The following AKAP13 variants were observed in gnomAD, a reference collection of about 807,000 sequenced individuals.
AKAP13 encodes A-kinase anchoring protein 13.
A neutral mutation model predicts 264.5 loss-of-function variants in AKAP13; 80 were observed. The ratio of observed to expected loss-of-function variants is 0.30; its 90% CI spans 0.25 to 0.36. AKAP13 has a LOEUF of 0.36. Ranked by LOEUF, AKAP13 falls within the 10% of genes least tolerant of loss-of-function variation. AKAP13 has a pLI of 1.00. For missense variants in AKAP13, 3,712 were observed against 3,435.2 expected, an observed-to-expected ratio of 1.08 and a Z score of -2.01; for synonymous variants, 1,380 against 1,250.2, an observed-to-expected ratio of 1.10 and a Z score of -2.19.
At chr15:85,583,651 G>A (rs1025405666) in intron 7 of AKAP13, among the ~76,000 whole-genome samples, 7 of 152,276 alleles carry the variant, frequency 4.6e-5, no homozygotes, top group Admixed American at 4.6e-4. Context: ...CACATGGGCC[G>A]GAATTATTTC....
chr15:85,712,099 G>A (rs2086660912), intron 19 of AKAP13, among the ~76,000 whole-genome samples: 1 of 152,148 alleles, frequency 6.6e-6, no homozygotes. Context: ...CTCCCAAAGT[G>A]CTGAGATAAC....
intron 5 of AKAP13, among the ~76,000 whole-genome samples, chr15:85,563,377 G>A (rs1009777044): frequency 7.6e-6 from 1 of 130,808 alleles, no homozygotes. Context: ...TGAGAATTTG[G>A]GCTAGGCAGT....
At chr15:85,731,548 T>G (rs2088033161) in intron 30 of AKAP13, among the ~76,000 whole-genome samples, 1 of 152,202 alleles carries the variant, frequency 6.6e-6, no homozygotes, top group Non-Finnish European at 1.5e-5. Context: ...TGCAGCTGGA[T>G]TCAGAGGCGT....
At position 85,718,875 on chromosome 15, in the gene AKAP13, G is replaced by A; in HGVS notation, c.6002-201G>A. 2 of 609,514 alleles carry A rather than the reference G, an allele frequency of 3.3e-6. No homozygotes were observed. The highest frequency in any genetic ancestry group is 5.4e-6 in the Non-Finnish European group (2 of 370,344). 37.8% of individuals were successfully genotyped at this position (609,514 alleles called of 1,614,324 possible). ...TGACTTCAGCCTGCACTTCAGCCTG[G>A]GTGACAGAGCCAGAACCTGTCTTAA... On this transcript the variant is annotated intron_variant, in intron 22 of 36. Coordinates refer to ENST00000394518, the MANE Select transcript of AKAP13 (RefSeq NM_007200.5). This position sits in a 1 kb window ranked among gnomAD's most constrained non-coding sequence, Gnocchi z 4.9.
chr15:85,723,049 C>T (rs778522380), intron 25 of AKAP13, 23 bp from the exon 26 acceptor site: 1 of 1,602,514 alleles, frequency 6.2e-7, no homozygotes, highest in South Asian at 1.1e-5. Context: ...CCATAAAAAA[C>T]AGAATTATTC....
chr15:85,443,369 T>A (rs889324090), intron 1 of AKAP13, among the ~76,000 whole-genome samples: 13 of 152,260 alleles, frequency 8.5e-5, no homozygotes, highest in African/African-American at 3.1e-4. Flanking sequence ...TTGGATTGAT[T>A]TCATCATCAA....
chr15:85,581,860 G>C lies in AKAP13; in HGVS notation c.3792G>C (p.Lys1264Asn), dbSNP rs1271710288. Residue 1264 changes from lysine (K) to asparagine (N), a missense_variant, in exon 7 of 37, where the codon AAG becomes AAC. Physicochemically the swap from Lys to Asn is moderately conservative, Grantham distance 94. Coordinates refer to ENST00000394518, the MANE Select transcript of AKAP13 (RefSeq NM_007200.5). ...TGGATGCTGTCATCGAACAAGTCAAGGCCGCTGGAGCACTGCTTACTGAGG... is the reference window on the plus strand; with the variant it reads ...TGGATGCTGTCATCGAACAAGTCAACGCCGCTGGAGCACTGCTTACTGAGG... The part of the protein sequence containing the change: ...RIVDAVIEQV[K>N]AAGALLTEGE... The C allele has an allele frequency of 6.2e-7, 1 of 1,614,196 alleles. No homozygotes were observed. Among genetic ancestry groups the C allele is most frequent in the South Asian group, 1.1e-5 (1 of 91,086 alleles).
At chr15:85,664,901 T>A (rs894616743) in intron 13 of AKAP13, 146 bp downstream of exon 13, 1 of 758,614 alleles carries the variant, frequency 1.3e-6, no homozygotes, top group Non-Finnish European at 2.0e-6. Flanking sequence ...ACCAAGTGTT[T>A]AGCACCTAAT....
intron 1 of AKAP13, among the ~76,000 whole-genome samples, chr15:85,428,952 T>C (rs548741944): frequency 3.7e-4 from 57 of 152,342 alleles, no homozygotes; most frequent in Non-Finnish European, 5.9e-4. Flanking sequence ...TGCTTTACAA[T>C]GTAGATTTTG....
At chr15:85,508,931 AC>A (rs1279458651) in intron 2 of AKAP13, among the ~76,000 whole-genome samples, 1 of 151,958 alleles carries the variant, frequency 6.6e-6, no homozygotes, top group Non-Finnish European at 1.5e-5. Flanking sequence ...TTTCCAGACC[AC>A]CCTGTCAGGA....
At chr15:85,701,575 G>A (rs1272750224) in intron 17 of AKAP13, among the ~76,000 whole-genome samples, 1 of 151,946 alleles carries the variant, frequency 6.6e-6, no homozygotes, top group East Asian at 1.9e-4. Flanking sequence ...AAGTAGCTGG[G>A]ACTACAGGAA....
At chr15:85,614,084 A>G (rs1400632062) in intron 8 of AKAP13, among the ~76,000 whole-genome samples, 1 of 152,190 alleles carries the variant, frequency 6.6e-6, no homozygotes, top group Non-Finnish European at 1.5e-5. Flanking sequence ...ATGTGTGTCA[A>G]GAAAACCAAT....
rs1217139569 is a variant in AKAP13 at position 85,742,338 on chromosome 15, G to T, written c.8058+843G>T. 2.0e-5 allele frequency among the ~76,000 whole-genome samples: 3 copies of T among 152,288 alleles called. No homozygotes were observed. The East Asian group carries it at 5.8e-4, about 29-fold the overall frequency. Reference sequence around the variant, plus strand: ...CCTGAAGGAACTTGTAGCTTAATGGGGAAGCACACCAAGAATAAAAGAGCC... The same window carrying T: ...CCTGAAGGAACTTGTAGCTTAATGGTGAAGCACACCAAGAATAAAAGAGCC... On this transcript the variant is annotated intron_variant, in intron 35 of 36. Coordinates refer to ENST00000394518, the MANE Select transcript of AKAP13 (RefSeq NM_007200.5).
Position 85,543,897 on chromosome 15 carries a change from A to G in AKAP13, c.604A>G (p.Thr202Ala), listed in dbSNP as rs749203808. The G allele has an allele frequency of 6.2e-7, 1 of 1,614,058 alleles. No individual in the cohort carries two copies. The highest frequency in any genetic ancestry group is 1.1e-5 in the South Asian group (1 of 91,082). The change falls in exon 5 of 37, where the codon ACG (threonine) becomes GCG (alanine). Residue 202 changes from threonine (T) to alanine (A), a missense_variant. Thr to Ala is a moderately conservative substitution (Grantham distance 58, BLOSUM62 0). Transcript: ENST00000394518. ...ALSIHNQEGA[T>A]PVSLALERGY... Reference sequence around the variant, plus strand: ...CAGTATCCACAACCAGGAAGGGGCGACGCCTGTGAGCTTGGCCTTGGAGCG... The same window carrying G: ...CAGTATCCACAACCAGGAAGGGGCGGCGCCTGTGAGCTTGGCCTTGGAGCG...
At chr15:85,570,911 G>C (rs10520592) in intron 5 of AKAP13, among the ~76,000 whole-genome samples, 30,836 of 151,992 alleles carry the variant, frequency 0.2, 4,143 homozygotes, top group Middle Eastern at 0.41. Flanking sequence ...CGGTCTAGAA[G>C]AGGTATCCTG....
In AKAP13 at chr15:85,655,666, A is replaced by G; in HGVS notation, c.4624A>G (p.Thr1542Ala). Reference protein sequence around the residue: ...DVEEEEMDSITEVPANCSVLR... With the variant: ...DVEEEEMDSIAEVPANCSVLR... ...GGAGGAGGAGGAGATGGACAGTATC[A>G]CTGAAGTGCCTGCAAACTGCTCTGT... The change falls in exon 11 of 37, where the codon ACT (threonine) becomes GCT (alanine). Residue 1542 changes from threonine to alanine, a missense_variant. This residue lies in a region of AKAP13 where 2,759 missense variants were observed against 2,411.7 expected (regional missense o/e 1.14). Coordinates refer to ENST00000394518, the MANE Select transcript of AKAP13 (RefSeq NM_007200.5). 1 of 1,614,236 alleles carries G rather than the reference A, an allele frequency of 6.2e-7. No individual in the cohort carries two copies. The highest frequency in any genetic ancestry group is 8.5e-7 in the Non-Finnish European group (1 of 1,180,040).
chr15:85,647,069 T>G (rs1224753751), intron 10 of AKAP13, among the ~76,000 whole-genome samples: 1 of 152,124 alleles, frequency 6.6e-6, no homozygotes, highest in African/African-American at 2.4e-5. Flanking sequence ...AGTGGGTGAT[T>G]AGGTTGTCCA....
At chr15:85,647,249 T>A (rs974219521) in intron 10 of AKAP13, among the ~76,000 whole-genome samples, 1 of 151,976 alleles carries the variant, frequency 6.6e-6, no homozygotes, top group Non-Finnish European at 1.5e-5. Context: ...TACAAAAAAA[T>A]TAGCTGGGCA....
intron 8 of AKAP13, among the ~76,000 whole-genome samples, chr15:85,586,865 A>G (rs979982283): frequency 4.6e-5 from 7 of 151,890 alleles, no homozygotes; most frequent in Non-Finnish European, 7.4e-5. Flanking sequence ...GAGGCGGAGG[A>G]TGCAGTGAGC....
Sources: gnomAD v4.1 joint callset for allele counts (sites outside exome capture counted in the v4.1 genomes callset) on GRCh38, gnomAD v4.1.1 for gene constraint, gnomAD v4.1.1 regional missense constraint, Gnocchi (gnomAD v3.1) non-coding constraint, MANE v1.5 for transcripts, NCBI Gene and HGNC (gene_info 2026-07-23, HGNC 2026-07-21) for gene names.